The following CHRM3 variants were observed in gnomAD, a reference collection of about 807,000 sequenced individuals.
CHRM3 encodes cholinergic receptor muscarinic 3.
Under a neutral mutation model 41.8 loss-of-function variants are expected in CHRM3, and 11 were observed. That is an observed-to-expected ratio of 0.26 (90% CI 0.17 to 0.44). The LOEUF is 0.44. Ranked by LOEUF, CHRM3 falls within the 20% of genes least tolerant of loss-of-function variation. The probability of loss-of-function intolerance (pLI) is 1.00; values close to 1 mark genes in which losing one functional copy is unlikely to be tolerated. For missense variants in CHRM3, 571 were observed against 745.4 expected (o/e 0.77, Z 2.72); for synonymous variants, 297 against 301.4 (o/e 0.99, Z 0.15).
At chr1:239,676,296 G>T (rs1359477098) in intron 4 of CHRM3, among the ~76,000 whole-genome samples, 1 of 152,292 alleles carries the variant, frequency 6.6e-6, no homozygotes, top group East Asian at 1.9e-4. Flanking sequence ...CAGACAGAAT[G>T]ACCAGTTTTT....
chr1:239,752,024 G>A (rs1665873772), intron 5 of CHRM3, among the ~76,000 whole-genome samples: 2 of 152,176 alleles, frequency 1.3e-5, no homozygotes, highest in South Asian at 2.1e-4. Flanking sequence ...TGTGGCTCAA[G>A]GAATGCATAA....
At chr1:239,862,000 A>G (rs983512468) in intron 6 of CHRM3, among the ~76,000 whole-genome samples, 2 of 152,190 alleles carry the variant, frequency 1.3e-5, no homozygotes, top group South Asian at 4.1e-4. Context: ...AAAAAACACA[A>G]AAGAACAGCT....
chr1:239,405,921 T>A (rs1165125516), intron 1 of CHRM3, among the ~76,000 whole-genome samples: 1 of 152,036 alleles, frequency 6.6e-6, no homozygotes, highest in African/African-American at 2.4e-5. Flanking sequence ...TATCACTCTA[T>A]CATCAGGCTG....
chr1:239,694,086 G>A (rs1321937449), intron 5 of CHRM3, among the ~76,000 whole-genome samples: 1 of 152,132 alleles, frequency 6.6e-6, no homozygotes, highest in Non-Finnish European at 1.5e-5. Flanking sequence ...CAGACCGTTA[G>A]ATATCTATGG....
intron 2 of CHRM3, among the ~76,000 whole-genome samples, chr1:239,527,303 A>C (rs1291477822): frequency 6.6e-6 from 1 of 152,134 alleles, no homozygotes; most frequent in East Asian, 1.9e-4. Flanking sequence ...GAGGATTTAA[A>C]CCTAGCATTG....
At chr1:239,437,484 G>A (rs1264153898) in intron 1 of CHRM3, among the ~76,000 whole-genome samples, 1 of 152,126 alleles carries the variant, frequency 6.6e-6, no homozygotes, top group Non-Finnish European at 1.5e-5. Flanking sequence ...TGCTCCCCTG[G>A]TGTGATGAGT....
chr1:239,392,732 C>T (rs1050779061), intron 1 of CHRM3, among the ~76,000 whole-genome samples: 1 of 152,132 alleles, frequency 6.6e-6, no homozygotes, highest in African/African-American at 2.4e-5. Context: ...TGGCTATAGA[C>T]ATAGATACAT....
At chr1:239,532,493 T>C (rs1302642243) in intron 2 of CHRM3, among the ~76,000 whole-genome samples, 1 of 150,574 alleles carries the variant, frequency 6.6e-6, no homozygotes, top group African/African-American at 2.4e-5. Flanking sequence ...GACATGGTGG[T>C]GTGTGCCTGT....
intron 1 of CHRM3, chr1:239,408,314 G>T (rs558445849): frequency 6.6e-6 from 1 of 152,094 alleles, no homozygotes; most frequent in South Asian, 2.1e-4. Flanking sequence ...TCTCCTTGGA[G>T]ATCGAGACCA....
chr1:239,522,945 A>G (rs1400221332), intron 2 of CHRM3, among the ~76,000 whole-genome samples: 2 of 152,118 alleles, frequency 1.3e-5, no homozygotes, highest in South Asian at 2.1e-4. Flanking sequence ...ATTATGAACC[A>G]TGAGCCCAGG....
chr1:239,523,550 G>T (rs1378420662), intron 2 of CHRM3, among the ~76,000 whole-genome samples: 1 of 152,178 alleles, frequency 6.6e-6, no homozygotes, highest in Non-Finnish European at 1.5e-5. Context: ...TGTCCCCAGT[G>T]TGTAAAAATG....
At chr1:239,786,572 T>A (rs1184427753) in intron 5 of CHRM3, among the ~76,000 whole-genome samples, 2 of 152,290 alleles carry the variant, frequency 1.3e-5, no homozygotes, top group East Asian at 3.9e-4. Flanking sequence ...TCTGTACTAG[T>A]CTGAGATGAG....
intron 1 of CHRM3, among the ~76,000 whole-genome samples, chr1:239,480,557 T>G (rs1666772771): frequency 7.0e-6 from 1 of 141,904 alleles, no homozygotes; most frequent in African/African-American, 2.7e-5. Context: ...TTTTTTTTTT[T>G]TTTTTTTTTT....
intron 6 of CHRM3, among the ~76,000 whole-genome samples, chr1:239,892,071 T>C (rs146915745): frequency 1.7e-4 from 26 of 152,372 alleles, no homozygotes; most frequent in Admixed American, 3.9e-4. Flanking sequence ...TTTTGGTATT[T>C]AGTTTTTTCA....
intron 5 of CHRM3, among the ~76,000 whole-genome samples, chr1:239,803,761 C>T (rs529047163): frequency 1.7e-4 from 26 of 152,280 alleles, no homozygotes; most frequent in African/African-American, 5.5e-4. Flanking sequence ...TCAAATGATG[C>T]AGGCAAGCTA....
At position 239,452,122 on chromosome 1, in the gene CHRM3, A is replaced by G. The variant is rs192704643; in HGVS notation, c.-520-40587A>G. ...TTATAATTCAAGTACTTTATATATC[A>G]ACCTCATTTAGGCCACATGACGGAA... On this transcript the variant is annotated intron_variant, in intron 1 of 6. Transcript: ENST00000676153. 4.8e-3 allele frequency among the ~76,000 whole-genome samples: 735 copies of G among 152,320 alleles called. 25 individuals carry two copies. Among genetic ancestry groups the G allele is most frequent in the Admixed American group, 0.042 (643 of 15,292 alleles).
intron 3 of CHRM3, among the ~76,000 whole-genome samples, chr1:239,552,278 AGAT>A (rs1163854553): frequency 1.8e-5 from 2 of 113,664 alleles, no homozygotes; most frequent in African/African-American, 5.5e-5. Flanking sequence ...ATATATGTAT[AGAT>A]GATATGTATC....
At chr1:239,882,984 A>G (rs1677772362) in intron 6 of CHRM3, among the ~76,000 whole-genome samples, 1 of 152,188 alleles carries the variant, frequency 6.6e-6, no homozygotes, top group African/African-American at 2.4e-5. Flanking sequence ...TGATTTGAGG[A>G]TCCTCTTGCT....
intron 1 of CHRM3, among the ~76,000 whole-genome samples, chr1:239,488,541 C>G (rs1463939606): frequency 6.6e-6 from 1 of 151,430 alleles, no homozygotes; most frequent in Non-Finnish European, 1.5e-5. Context: ...AAGTGAAACT[C>G]CATCTCTACT....
Sources: gnomAD v4.1 joint callset for allele counts (sites outside exome capture counted in the v4.1 genomes callset) on GRCh38, gnomAD v4.1.1 for gene constraint, MANE v1.5 for transcripts, NCBI Gene and HGNC (gene_info 2026-07-23, HGNC 2026-07-21) for gene names.